Variants in PHLDB2 observed in about 807,000 individuals in gnomAD.
The protein encoded by PHLDB2 is pleckstrin homology-like domain family B member 2.
A neutral mutation model predicts 123.6 loss-of-function variants in PHLDB2; 71 were observed. The observed-to-expected ratio is 0.57, with a 90% confidence interval of 0.47 to 0.70. The LOEUF is 0.70. PHLDB2 is among the 30% of genes least tolerant of loss of function. The pLI is 0.00. For synonymous variants in PHLDB2, 547 were observed against 541.6 expected (o/e 1.01, Z -0.14); for missense variants, 1,446 against 1,519.5 (o/e 0.95, Z 0.80).
intron 1 of PHLDB2, among the ~76,000 whole-genome samples, chr3:111,834,239 A>AATTCTATTAT (rs1553737367): frequency 1.2e-5 from 1 of 84,942 alleles, no homozygotes; most frequent in African/African-American, 3.8e-5. Flanking sequence ...TTATGTATAT[A>AATTCTATTAT]ATAGAATTAT....
intron 15 of PHLDB2, 78 bp downstream of exon 15, chr3:111,967,902 G>A (rs1361337112): frequency 3.0e-6 from 4 of 1,313,408 alleles, no homozygotes; most frequent in Admixed American, 2.8e-5. Flanking sequence ...TTCTGTGTCT[G>A]AGGATGCTTT....
intron 1 of PHLDB2, among the ~76,000 whole-genome samples, chr3:111,748,427 A>G (rs1310506852): frequency 1.3e-5 from 2 of 152,206 alleles, no homozygotes; most frequent in East Asian, 1.9e-4. Context: ...ATAGGAGGGC[A>G]GGGCAGGCAA....
chr3:111,745,625 A>C (rs563338465), intron 1 of PHLDB2, among the ~76,000 whole-genome samples: 1 of 152,102 alleles, frequency 6.6e-6, no homozygotes, highest in Non-Finnish European at 1.5e-5. Flanking sequence ...TTAGCTGGGC[A>C]TGGTGACACA....
intron 1 of PHLDB2, among the ~76,000 whole-genome samples, chr3:111,750,224 A>T (rs1251428982): frequency 6.6e-6 from 1 of 152,234 alleles, no homozygotes; most frequent in African/African-American, 2.4e-5. Context: ...AAGAAAATTA[A>T]ATTAGAAATA....
chr3:111,946,491 A>G (rs916509811), intron 9 of PHLDB2, among the ~76,000 whole-genome samples: 1 of 152,240 alleles, frequency 6.6e-6, no homozygotes, highest in African/African-American at 2.4e-5. Context: ...GCTCATCACA[A>G]TATTAAGTGT....
Position 111,973,799 on chromosome 3 carries a change from C to T in PHLDB2, c.3603C>T (p.His1201=), listed in dbSNP as rs774727596. 5 of 1,585,472 alleles carry T rather than the reference C, an allele frequency of 3.2e-6. No homozygotes were observed. The East Asian group carries it at 9.0e-5, about 28-fold the overall frequency. Residue 1201 remains histidine (H), a synonymous_variant, in exon 17 of 18, where the codon CAC becomes CAT. Coordinates refer to ENST00000431670, the MANE Select transcript of PHLDB2 (RefSeq NM_001134438.2). ...FQAIEEVYYD[H]LKNANKSPNP... ...CCATTGAAGAAGTCTATTATGATCA[C>T]CTCAAGAATGCTAATAAGGTAAACA...
rs142069708 is a variant in PHLDB2, at chr3:111,777,881, A to C, written c.-49+45178A>C. The stretch of plus-strand genomic sequence containing the variant: ...AAACACCTGTTTTACCCCAGTATAG[A>C]TGTTACATATTCTTCTACATCATTA... On this transcript the variant is annotated intron_variant, in intron 1 of 17. Coordinates refer to the PHLDB2 transcript ENST00000393923. Among the ~76,000 whole-genome samples the C allele has an allele frequency of 4.4e-3, 656 of 149,880 alleles. 1 individual carries two copies. The highest frequency in any genetic ancestry group is 0.015 in the African/African-American group (621 of 40,624).
At chr3:111,969,076 T>A (rs2071999412) in intron 15 of PHLDB2, among the ~76,000 whole-genome samples, 1 of 152,226 alleles carries the variant, frequency 6.6e-6, no homozygotes, top group African/African-American at 2.4e-5. Context: ...CCCTTTGGCA[T>A]CTGGTCCTGG....
intron 1 of PHLDB2, among the ~76,000 whole-genome samples, chr3:111,808,858 A>G (rs1312071068): frequency 6.6e-6 from 1 of 152,248 alleles, no homozygotes; most frequent in Non-Finnish European, 1.5e-5. Context: ...CTCATAACTA[A>G]TATAATAAAG....
Position 111,974,596 on chromosome 3 carries a change from C to CTCTTACAATAAT in PHLDB2, c.*33_*34insTCTTACAATAAT. The stretch of plus-strand genomic sequence containing the variant: ...AGGCAACAGTCCACTTCAGGGCAGA[C>CTCTTACAATAAT]GGCAATAATCTCTTACAAGAATGAA... On this transcript the variant is annotated 3_prime_UTR_variant, in exon 18 of 18. Transcript: ENST00000431670. 6.4e-7 allele frequency: 1 copy of CTCTTACAATAAT among 1,556,532 alleles called. No individual in the cohort carries two copies. The highest frequency in any genetic ancestry group is 8.7e-7 in the Non-Finnish European group (1 of 1,149,420).
At position 111,932,372 on chromosome 3, in the gene PHLDB2, A is replaced by T. The variant is rs1448067845; in HGVS notation, c.2105A>T (p.Glu702Val). Residue 702 changes from glutamate (E) to valine (V), a missense_variant, in exon 6 of 18, where the codon GAA becomes GTA. Physicochemically the swap from Glu to Val is moderately radical, Grantham distance 121. Transcript: ENST00000431670. ...QLDNCPESMREQLQQQLKRDA... is the reference protein window; with the variant it reads ...QLDNCPESMRVQLQQQLKRDA... ...GACAATTGTCCTGAGTCCATGAGGG[A>T]ACAGTTACAACAACAACTGAAGAGG... is the stretch of plus-strand genomic sequence containing the variant. The T allele has an allele frequency of 1.3e-6, 2 of 1,551,180 alleles. No homozygotes were observed. Among genetic ancestry groups the T allele is most frequent in the African/African-American group, 2.7e-5 (2 of 73,030 alleles).
intron 1 of PHLDB2, among the ~76,000 whole-genome samples, chr3:111,875,829 A>G (rs1175161535): frequency 3.3e-5 from 5 of 152,052 alleles, no homozygotes; most frequent in Non-Finnish European, 5.9e-5. Context: ...TCAAAAAAAA[A>G]AAAAAAAGAA....
At chr3:111,964,999 T>A (rs1248260828) in intron 13 of PHLDB2, among the ~76,000 whole-genome samples, 1 of 152,206 alleles carries the variant, frequency 6.6e-6, no homozygotes, top group Non-Finnish European at 1.5e-5. Context: ...TATAATTTTA[T>A]GCCCTTATAC....
chr3:111,922,567 T>A (rs2068583298), intron 5 of PHLDB2, among the ~76,000 whole-genome samples: 1 of 152,136 alleles, frequency 6.6e-6, no homozygotes, highest in Admixed American at 6.5e-5. Context: ...TGTCATTACA[T>A]CATGTGAAAA....
chr3:111,968,612 T>G (rs2071965476), intron 15 of PHLDB2, among the ~76,000 whole-genome samples: 1 of 152,230 alleles, frequency 6.6e-6, no homozygotes, highest in Non-Finnish European at 1.5e-5. Context: ...TTACTTTTAT[T>G]CTTTGTGGTT....
chr3:111,865,634 G>T (rs1247839551), intron 1 of PHLDB2, among the ~76,000 whole-genome samples: 1 of 152,008 alleles, frequency 6.6e-6, no homozygotes, highest in East Asian at 1.9e-4. Flanking sequence ...AGTTCTGTTA[G>T]CAGAACCAGA....
At chr3:111,869,705 C>CTGTGTGTG (rs756821881) in intron 1 of PHLDB2, among the ~76,000 whole-genome samples, 1 of 25,200 alleles carries the variant, frequency 4.0e-5, no homozygotes, top group African/African-American at 5.0e-5. Context: ...GTGTCTGTCT[C>CTGTGTGTG]TGTGTGTGTG....
chr3:111,838,265 G>A (rs1321765336), intron 1 of PHLDB2, among the ~76,000 whole-genome samples: 1 of 152,050 alleles, frequency 6.6e-6, no homozygotes, highest in Non-Finnish European at 1.5e-5. Flanking sequence ...TCTCCTGATC[G>A]GCTGGGACTA....
chr3:111,809,481 C>T (rs761943699), intron 1 of PHLDB2, among the ~76,000 whole-genome samples: 4 of 152,220 alleles, frequency 2.6e-5, no homozygotes, highest in Non-Finnish European at 4.4e-5. Context: ...TGCCCAGCCT[C>T]ACAAGCCTGA....
Sources: gnomAD v4.1 joint callset for allele counts (sites outside exome capture counted in the v4.1 genomes callset) on GRCh38, gnomAD v4.1.1 for gene constraint, MANE v1.5 for transcripts, NCBI Gene and HGNC (gene_info 2026-07-23, HGNC 2026-07-21) for gene names.